Variants in MOXD1 observed in about 807,000 individuals in gnomAD.
The protein encoded by MOXD1 is DBH-like monooxygenase protein 1.
A neutral mutation model predicts 66.6 loss-of-function variants in MOXD1; 62 were observed. That is an observed-to-expected ratio of 0.93 (90% CI 0.76 to 1.15). MOXD1 has a LOEUF of 1.15. MOXD1 is among the 50% of genes most tolerant of loss of function. The probability of loss-of-function intolerance (pLI) is 0.00; values close to 1 mark genes in which losing one functional copy is unlikely to be tolerated. For synonymous variants in MOXD1, 303 were observed against 281.9 expected, an observed-to-expected ratio of 1.07 and a Z score of -0.75; for missense variants, 847 against 754.6, an observed-to-expected ratio of 1.12 and a Z score of -1.44.
chr6:132,368,048 T>A (rs1776182113), intron 4 of MOXD1, among the ~76,000 whole-genome samples: 1 of 151,956 alleles, frequency 6.6e-6, no homozygotes, highest in South Asian at 2.1e-4. Flanking sequence ...ATGAGACACA[T>A]CACATTTAAA....
In MOXD1 at chr6:132,314,433, A is replaced by G. The variant is rs538759638; in HGVS notation, c.1508+1202T>C. Among the ~76,000 whole-genome samples, 3 of 152,338 alleles carry G rather than the reference A, an allele frequency of 2.0e-5. No homozygotes were observed. In the South Asian group the frequency reaches 6.2e-4, roughly 32 times the overall value. On this transcript the variant is annotated intron_variant, in intron 10 of 11. Transcript: ENST00000367963. ...TATAGTAGCCAAATTGACTTTATTTATATCCTTTAATTGCTTCCCTTTGCA... is the reference window on the plus strand; with the variant it reads ...TATAGTAGCCAAATTGACTTTATTTGTATCCTTTAATTGCTTCCCTTTGCA...
At chr6:132,369,428 T>A (rs957573998) in intron 4 of MOXD1, among the ~76,000 whole-genome samples, 1 of 152,212 alleles carries the variant, frequency 6.6e-6, no homozygotes, top group East Asian at 1.9e-4. Flanking sequence ...CTTCACAATT[T>A]CACAGAGAGA....
intron 4 of MOXD1, among the ~76,000 whole-genome samples, chr6:132,336,351 C>T (rs1050423156): frequency 1.3e-5 from 2 of 152,112 alleles, no homozygotes; most frequent in Non-Finnish European, 2.9e-5. Context: ...TCAGCTAGCT[C>T]CTAAAGTGAT....
intron 10 of MOXD1, among the ~76,000 whole-genome samples, chr6:132,300,301 A>G (rs548275626): frequency 1.3e-5 from 2 of 152,194 alleles, no homozygotes; most frequent in Non-Finnish European, 2.9e-5. Context: ...CAGAATTAGT[A>G]TCAAGCAAAA....
chr6:132,305,480 C>T (rs1774668341), intron 10 of MOXD1, among the ~76,000 whole-genome samples: 1 of 152,238 alleles, frequency 6.6e-6, no homozygotes, highest in Non-Finnish European at 1.5e-5. Flanking sequence ...AGTGGGTTTT[C>T]TCCCAACAAG....
chr6:132,359,488 CTTTTTTTT>C (rs568516620), intron 4 of MOXD1, among the ~76,000 whole-genome samples: 1 of 129,544 alleles, frequency 7.7e-6, no homozygotes, highest in Non-Finnish European at 1.6e-5. Flanking sequence ...TTTTCTTTTT[CTTTTTTTT>C]TTTTTTTTGA....
At chr6:132,393,274 G>T (rs993471461) in intron 1 of MOXD1, among the ~76,000 whole-genome samples, 1 of 152,204 alleles carries the variant, frequency 6.6e-6, no homozygotes, top group African/African-American at 2.4e-5. Flanking sequence ...GAAGCTTCAA[G>T]ATGGCTGACT....
chr6:132,330,053 A>G (rs549507394), intron 4 of MOXD1, among the ~76,000 whole-genome samples: 6 of 152,308 alleles, frequency 3.9e-5, no homozygotes, highest in African/African-American at 1.4e-4. Flanking sequence ...CCTAGGAATC[A>G]ACTCAGAATG....
chr6:132,358,264 G>A (rs1243458638), intron 4 of MOXD1, among the ~76,000 whole-genome samples: 1 of 152,116 alleles, frequency 6.6e-6, no homozygotes, highest in Non-Finnish European at 1.5e-5. Flanking sequence ...TAAATAAATG[G>A]TGTTCATAAT....
Position 132,354,764 on chromosome 6 carries a change from G to T in MOXD1, c.663+17844C>A, listed in dbSNP as rs548037583. ...TCAGCTACCAGGGTGGGTAGGGAAG[G>T]CCCATCAGGTGGGGGCAGGGCTAGG... On this transcript the variant is annotated intron_variant, in intron 4 of 11. Transcript: ENST00000367963. 4.6e-5 allele frequency among the ~76,000 whole-genome samples: 7 copies of T among 152,270 alleles called. No individual in the cohort carries two copies. The East Asian group carries it at 1.2e-3, about 25-fold the overall frequency.
chr6:132,367,814 T>G (rs189869448), intron 4 of MOXD1, among the ~76,000 whole-genome samples: 14 of 152,142 alleles, frequency 9.2e-5, no homozygotes, highest in African/African-American at 3.1e-4. Context: ...CTAACAACTT[T>G]TCTGTAAGTT....
At chr6:132,332,361 T>A (rs540099958) in intron 4 of MOXD1, among the ~76,000 whole-genome samples, 2 of 149,810 alleles carry the variant, frequency 1.3e-5, no homozygotes, top group East Asian at 3.9e-4. Flanking sequence ...CTTGGCAAAA[T>A]AGAAAGGATG....
intron 4 of MOXD1, among the ~76,000 whole-genome samples, chr6:132,345,846 A>G (rs1178696150): frequency 6.6e-6 from 1 of 151,954 alleles, no homozygotes; most frequent in Non-Finnish European, 1.5e-5. Flanking sequence ...ATCTGCTGTC[A>G]AGATTGACAG....
rs1336248066 is a variant in MOXD1 at position 132,385,966 on chromosome 6, G to A, written c.265-11189C>T. On this transcript the variant is annotated intron_variant, in intron 1 of 11. Coordinates refer to ENST00000367963, the MANE Select transcript of MOXD1 (RefSeq NM_015529.4). ...AAAGTACAAAAAATTAGCTGGGCGT[G>A]GTGGCGGGCGCCTGTAGTCCCAGCT... is the stretch of plus-strand genomic sequence containing the variant. Among the ~76,000 whole-genome samples, 8 of 147,916 alleles carry A rather than the reference G, an allele frequency of 5.4e-5. No individual in the cohort carries two copies. In the South Asian group the frequency reaches 1.3e-3, roughly 24 times the overall value.
At chr6:132,329,689 CA>C (rs1413714728) in intron 4 of MOXD1, among the ~76,000 whole-genome samples, 2 of 151,898 alleles carry the variant, frequency 1.3e-5, no homozygotes, top group African/African-American at 4.8e-5. Flanking sequence ...ATCTGACCTC[CA>C]GATTACAAAT....
At chr6:132,360,111 T>C (rs763873414) in intron 4 of MOXD1, among the ~76,000 whole-genome samples, 1 of 152,228 alleles carries the variant, frequency 6.6e-6, no homozygotes, top group Non-Finnish European at 1.5e-5. Context: ...CAAGTGGAGC[T>C]TCCTCAGGGA....
At chr6:132,385,753 A>G (rs1454957959) in intron 1 of MOXD1, among the ~76,000 whole-genome samples, 4 of 151,822 alleles carry the variant, frequency 2.6e-5, no homozygotes, top group Admixed American at 2.6e-4. Flanking sequence ...TGGCCTCCCA[A>G]AGTGCTGGGA....
Position 132,348,064 on chromosome 6 carries a change from G to C in MOXD1, c.664-19470C>G, listed in dbSNP as rs553938850. 4.6e-5 allele frequency among the ~76,000 whole-genome samples: 7 copies of C among 152,190 alleles called. No individual in the cohort carries two copies. The East Asian group carries it at 1.2e-3, about 25-fold the overall frequency. On this transcript the variant is annotated intron_variant, in intron 4 of 11. Transcript: ENST00000367963. ...ATCTCCATCCTAGGTAGATACCCCC[G>C]ACTCCAGGAAGTCTGTTTATCTTAG...
At position 132,372,864 on chromosome 6, in the gene MOXD1, G is replaced by A. The variant is rs760769071; in HGVS notation, c.545C>T (p.Thr182Ile). ...LNPEKTSVLS[T>I]ALPYFDLVNQ... ...TACCAGATCAAAGTATGGTAAGGCT[G>A]TAGATAGCACACTAGTTTTCTCAGG... Residue 182 changes from threonine to isoleucine, a missense_variant, in exon 3 of 12, where the codon ACA (threonine) becomes ATA (isoleucine). Transcript: ENST00000367963. 6.2e-6 allele frequency: 10 copies of A among 1,613,934 alleles called. No individual in the cohort carries two copies. In the African/African-American group the frequency reaches 9.3e-5, roughly 15 times the overall value.
Sources: allele counts gnomAD v4.1 joint callset (sites outside exome capture counted in the v4.1 genomes callset), GRCh38; gene constraint gnomAD v4.1.1; transcripts MANE v1.5; gene names NCBI Gene and HGNC (gene_info 2026-07-23, HGNC 2026-07-21).